The following AKAP13 variants were observed in gnomAD, a reference collection of about 807,000 sequenced individuals.
AKAP13 encodes A-kinase anchoring protein 13.
In AKAP13, 80 loss-of-function variants were observed where a neutral mutation model predicts 264.5. That is an observed-to-expected ratio of 0.30 (90% CI 0.25 to 0.36). The LOEUF (loss-of-function observed/expected upper bound fraction) is 0.36, where lower values mean the gene tolerates loss of function less well. AKAP13 is among the 10% of genes least tolerant of loss of function. The pLI is 1.00. For missense variants in AKAP13, 3,712 were observed against 3,435.2 expected, an observed-to-expected ratio of 1.08 and a Z score of -2.01; for synonymous variants, 1,380 against 1,250.2, an observed-to-expected ratio of 1.10 and a Z score of -2.19.
rs1022423480 is a variant in AKAP13, at chr15:85,746,531, C to T, written c.*1854C>T. ...TCTCCCTTGTTTGAGAATGAAGAAA[C>T]TCGCCACCTCTGACCTACCTTTGCC... On this transcript the variant is annotated 3_prime_UTR_variant, in exon 37 of 37. Coordinates refer to ENST00000394518, the MANE Select transcript of AKAP13 (RefSeq NM_007200.5). 3 of 151,224 alleles carry T rather than the reference C, an allele frequency of 2.0e-5. No homozygotes were observed. Among genetic ancestry groups the T allele is most frequent in the African/African-American group, 7.3e-5 (3 of 41,102 alleles). The allele number at this position is 151,224 out of a possible 1,614,324, so 9.4% of individuals were successfully genotyped here. A position where few individuals can be genotyped will look rare whatever the true frequency, so the allele number is the denominator to read the frequency against.
Position 85,655,803 on chromosome 15 carries a change from G to T in AKAP13, c.4745+16G>T, listed in dbSNP as rs747519337. ...ACCACCGGAGGTGAGATGGGAGGCG[G>T]TTTGTTTAGTGTCTCAGTGTCTGCT... On this transcript the variant is annotated intron_variant, in intron 11 of 36. Transcript: ENST00000394518. 22 of 1,595,890 alleles carry T rather than the reference G, an allele frequency of 1.4e-5. No homozygotes were observed. Among genetic ancestry groups the T allele is most frequent in the South Asian group, 1.0e-4 (9 of 89,902 alleles).
chr15:85,418,860 AC>A (rs2072372213), intron 1 of AKAP13, among the ~76,000 whole-genome samples: 1 of 152,212 alleles, frequency 6.6e-6, no homozygotes, highest in Admixed American at 6.5e-5. Context: ...GGCTAAGACC[AC>A]TTTAACCACA....
At chr15:85,396,284 T>C (rs996078321) in intron 1 of AKAP13, among the ~76,000 whole-genome samples, 3 of 152,202 alleles carry the variant, frequency 2.0e-5, no homozygotes, top group African/African-American at 7.2e-5. Flanking sequence ...TTGGTCCACG[T>C]AGGGCTCTGT....
At chr15:85,422,958 T>A (rs537495049) in intron 1 of AKAP13, among the ~76,000 whole-genome samples, 1 of 152,360 alleles carries the variant, frequency 6.6e-6, no homozygotes, top group Admixed American at 6.5e-5. Context: ...ACACATGTTT[T>A]TTGTTTCCCG....
intron 8 of AKAP13, among the ~76,000 whole-genome samples, chr15:85,630,186 C>T (rs2081650559): frequency 2.6e-5 from 2 of 76,846 alleles, no homozygotes; most frequent in Admixed American, 2.7e-4. Flanking sequence ...CACACACACA[C>T]ACACACACAC....
intron 2 of AKAP13, among the ~76,000 whole-genome samples, chr15:85,504,171 A>G (rs980921239): frequency 6.6e-6 from 1 of 152,188 alleles, no homozygotes; most frequent in Non-Finnish European, 1.5e-5. Flanking sequence ...TAACTGTAAG[A>G]TATAGGTGAG....
At chr15:85,399,535 A>AAATAAAT (rs1555425298) in intron 1 of AKAP13, among the ~76,000 whole-genome samples, 5 of 105,598 alleles carry the variant, frequency 4.7e-5, no homozygotes, top group African/African-American at 1.2e-4. Context: ...AAAAAATAAA[A>AAATAAAT]AAATAAATAA....
intron 1 of AKAP13, among the ~76,000 whole-genome samples, chr15:85,450,173 C>T (rs548817778): frequency 8.5e-5 from 13 of 152,058 alleles, no homozygotes; most frequent in African/African-American, 2.9e-4. Flanking sequence ...GGAATTTATC[C>T]ATCTCTTCTA....
intron 32 of AKAP13, 122 bp from the exon 33 acceptor site, chr15:85,735,968 C>T (rs1239249449): frequency 1.2e-5 from 10 of 846,722 alleles, no homozygotes; most frequent in Non-Finnish European, 5.9e-6. Flanking sequence ...CTTAAACCTT[C>T]ACTACCTTAG....
chr15:85,433,117 G>GTTTTTTTTTTTTTTTTTTTTTT (rs199655190), intron 1 of AKAP13, among the ~76,000 whole-genome samples: 3 of 53,230 alleles, frequency 5.6e-5, no homozygotes, highest in African/African-American at 1.6e-4. Flanking sequence ...CTTCTGTACA[G>GTTTTTTTTTTTTTTTTTTTTTT]TTTTTTTTTT....
At chr15:85,688,059 A>G (rs1242874252) in intron 16 of AKAP13, among the ~76,000 whole-genome samples, 2 of 150,106 alleles carry the variant, frequency 1.3e-5, no homozygotes, top group Non-Finnish European at 3.0e-5. Context: ...AGAGAGAGAG[A>G]GGAAAGAAAT....
At chr15:85,445,796 G>A (rs1214396031) in intron 1 of AKAP13, among the ~76,000 whole-genome samples, 1 of 152,058 alleles carries the variant, frequency 6.6e-6, no homozygotes, top group African/African-American at 2.4e-5. Context: ...TGTACTTGAT[G>A]CTTCTATTTA....
At position 85,518,731 on chromosome 15, in the gene AKAP13, C is replaced by CT. The variant is rs1240768013; in HGVS notation, c.34-2697_34-2696insT. ...GTTGTCCCAGCTACTTGGGAGGCAG[C>CT]AGGGGGAGGATCACTTGAGTCCTGG... is the stretch of plus-strand genomic sequence containing the variant. On this transcript the variant is annotated intron_variant, in intron 2 of 36. Coordinates refer to ENST00000394518, the MANE Select transcript of AKAP13 (RefSeq NM_007200.5). Among the ~76,000 whole-genome samples, 94 of 152,188 alleles carry CT rather than the reference C, an allele frequency of 6.2e-4. 1 individual carries two copies. The highest frequency in any genetic ancestry group is 3.3e-3 in the Admixed American group (51 of 15,276).
chr15:85,629,640 G>A (rs1055473664), intron 8 of AKAP13, among the ~76,000 whole-genome samples: 1 of 152,178 alleles, frequency 6.6e-6, no homozygotes, highest in African/African-American at 2.4e-5. Context: ...AAGCCTCACT[G>A]AGTGTGTTTT....
chr15:85,580,952 C>T lies in AKAP13; in HGVS notation c.2884C>T (p.Gln962Ter), dbSNP rs761838428. Residue 962 changes from glutamine (Q) to a stop codon, truncating the protein, a stop_gained, in exon 7 of 37, where the codon CAA becomes TAA. Transcript: ENST00000394518. LOFTEE classifies it high-confidence loss of function. ...RTPPPGQDTQ[Q>*]FHEKSISADC... ...ACCACCTCCTGGACAAGATACTCAA[C>T]AATTTCATGAAAAATCAATCTCAGC... 1 of 1,614,160 alleles carries T rather than the reference C, an allele frequency of 6.2e-7. No homozygotes were observed. Among genetic ancestry groups the T allele is most frequent in the South Asian group, 1.1e-5 (1 of 91,088 alleles).
At chr15:85,685,071 C>T in intron 16 of AKAP13, 198 bp downstream of exon 16, 1 of 608,540 alleles carries the variant, frequency 1.6e-6, no homozygotes, top group Non-Finnish European at 2.7e-6. Context: ...ACTGAGTTTT[C>T]ACTATATGCT....
intron 5 of AKAP13, among the ~76,000 whole-genome samples, chr15:85,546,611 G>A (rs566206605): frequency 6.6e-6 from 1 of 151,982 alleles, no homozygotes; most frequent in Admixed American, 6.6e-5. Context: ...GACTTCATGG[G>A]GTCTGTATCT....
intron 1 of AKAP13, among the ~76,000 whole-genome samples, chr15:85,444,678 C>T (rs1260009066): frequency 6.6e-6 from 1 of 152,172 alleles, no homozygotes; most frequent in East Asian, 1.9e-4. Flanking sequence ...TTTCAGAAGA[C>T]ATGGCCACAG....
At chr15:85,615,775 G>A (rs1459313051) in intron 8 of AKAP13, among the ~76,000 whole-genome samples, 5 of 152,232 alleles carry the variant, frequency 3.3e-5, no homozygotes, top group Admixed American at 1.3e-4. Context: ...TGAAACTACC[G>A]TATCCCATGA....
Sources: gnomAD v4.1 joint callset for allele counts (sites outside exome capture counted in the v4.1 genomes callset) on GRCh38, gnomAD v4.1.1 for gene constraint, MANE v1.5 for transcripts, NCBI Gene and HGNC (gene_info 2026-07-23, HGNC 2026-07-21) for gene names.